The following AKT3 variants were observed in gnomAD, a reference collection of about 807,000 sequenced individuals.
AKT3 encodes the protein AKT serine/threonine kinase 3, also known as RAC-gamma serine/threonine-protein kinase.
A neutral mutation model predicts 65.3 loss-of-function variants in AKT3; 15 were observed. That is an observed-to-expected ratio of 0.23 (90% CI 0.15 to 0.35). The LOEUF is 0.35. AKT3 is among the 10% of genes least tolerant of loss of function. The pLI, the probability that AKT3 is intolerant of heterozygous loss-of-function variation, is 1.00. For synonymous variants in AKT3, 206 were observed against 183.8 expected, an observed-to-expected ratio of 1.12 and a Z score of -0.98; for missense variants, 243 against 576.5, an observed-to-expected ratio of 0.42 and a Z score of 5.92.
chr1:243,820,209 A>G (rs967923607), intron 2 of AKT3, among the ~76,000 whole-genome samples: 1 of 152,170 alleles, frequency 6.6e-6, no homozygotes, highest in Non-Finnish European at 1.5e-5. Context: ...GTAAGCCACC[A>G]CACCCAGCCC....
At chr1:243,536,340 A>G (rs1038909506) in intron 12 of AKT3, among the ~76,000 whole-genome samples, 2 of 152,174 alleles carry the variant, frequency 1.3e-5, no homozygotes, top group African/African-American at 4.8e-5. Flanking sequence ...GTTTTCTTCT[A>G]GAATTTTTTA....
Position 243,843,241 on chromosome 1 carries a change from T to TCCG in AKT3, c.-72_-71insCGG, listed in dbSNP as rs1695356006. 1 of 1,562,246 alleles carries TCCG rather than the reference T, an allele frequency of 6.4e-7. No homozygotes were observed. Among genetic ancestry groups the TCCG allele is most frequent in the Non-Finnish European group, 8.7e-7 (1 of 1,149,162 alleles). On this transcript the variant is annotated 5_prime_UTR_variant, in exon 2 of 14. Coordinates refer to ENST00000673466, the MANE Select transcript of AKT3 (RefSeq NM_005465.7). ...GATATCAGCTTTAGGGTTTGGATTC[T>TCCG]CTGCTGCTGCTGCCCTTCCCACTCT... is the stretch of plus-strand genomic sequence containing the variant.
intron 8 of AKT3, among the ~76,000 whole-genome samples, chr1:243,580,199 A>G (rs2148522363): frequency 6.6e-6 from 1 of 152,298 alleles, no homozygotes; most frequent in African/African-American, 2.4e-5. Context: ...AGAGAGGAGA[A>G]GGCCAGCAAA....
chr1:243,490,817 G>A (rs1666222397), intron 13 of AKT3, among the ~76,000 whole-genome samples: 1 of 152,182 alleles, frequency 6.6e-6, no homozygotes, highest in African/African-American at 2.4e-5. Flanking sequence ...CTGCTTTCAG[G>A]ATGACCCCCT....
At chr1:243,752,322 A>G (rs1222864125) in intron 2 of AKT3, among the ~76,000 whole-genome samples, 1 of 152,166 alleles carries the variant, frequency 6.6e-6, no homozygotes, top group Non-Finnish European at 1.5e-5. Context: ...AGTAACCATG[A>G]GCACTGCTTT....
chr1:243,787,480 C>T (rs1338246569), intron 2 of AKT3, among the ~76,000 whole-genome samples: 1 of 152,156 alleles, frequency 6.6e-6, no homozygotes, highest in African/African-American at 2.4e-5. Context: ...ACTTCCCACC[C>T]CCGATGTCTC....
chr1:243,734,038 C>T (rs1687702013), intron 2 of AKT3, among the ~76,000 whole-genome samples: 1 of 152,106 alleles, frequency 6.6e-6, no homozygotes, highest in Non-Finnish European at 1.5e-5. Flanking sequence ...GAACTCTCAA[C>T]AGAAAAAAAT....
rs190972598 is a variant in AKT3 at position 243,606,009 on chromosome 1, T to C, written c.696+7662A>G. 7.0e-3 allele frequency among the ~76,000 whole-genome samples: 1,059 copies of C among 152,240 alleles called. 9 individuals carry two copies. Among genetic ancestry groups the C allele is most frequent in the South Asian group, 0.012 (60 of 4,810 alleles). ...GCTTAGCACTTCTCTCTCCTGCTCC[T>C]ATGTGAAGAAGGACATGTTTGCTTC... On this transcript the variant is annotated intron_variant, in intron 8 of 13. Transcript: ENST00000673466.
chr1:243,799,279 T>A (rs2148361303), intron 2 of AKT3, among the ~76,000 whole-genome samples: 1 of 152,330 alleles, frequency 6.6e-6, no homozygotes, highest in South Asian at 2.1e-4. Context: ...AGTAGAAAAG[T>A]TAACCATAAT....
intron 12 of AKT3, among the ~76,000 whole-genome samples, chr1:243,521,261 G>A (rs1287087354): frequency 1.3e-5 from 2 of 152,158 alleles, no homozygotes; most frequent in Non-Finnish European, 2.9e-5. Flanking sequence ...ATAGATGTTT[G>A]CAGTAAAGAA....
At position 243,843,181 on chromosome 1, in the gene AKT3, C is replaced by G; in HGVS notation, c.-11G>C. On this transcript the variant is annotated 5_prime_UTR_variant, in exon 2 of 14. Coordinates refer to ENST00000673466, the MANE Select transcript of AKT3 (RefSeq NM_005465.7). Reference sequence around the variant, plus strand: ...GGTAACATCGCTCATGATGACTCCCCTCTGAGCCCCCAACTTGGAGAAATG... The same window carrying G: ...GGTAACATCGCTCATGATGACTCCCGTCTGAGCCCCCAACTTGGAGAAATG... 2 of 1,612,030 alleles carry G rather than the reference C, an allele frequency of 1.2e-6. No individual in the cohort carries two copies. Among genetic ancestry groups the G allele is most frequent in the Non-Finnish European group, 1.7e-6 (2 of 1,178,928 alleles).
intron 4 of AKT3, among the ~76,000 whole-genome samples, chr1:243,655,293 T>C (rs188610095): frequency 2.0e-5 from 3 of 152,016 alleles, no homozygotes; most frequent in African/African-American, 7.2e-5. Context: ...GCTCTTTCTT[T>C]TTAATTTTAC....
intron 12 of AKT3, among the ~76,000 whole-genome samples, chr1:243,513,648 T>C (rs933507690): frequency 6.6e-6 from 1 of 152,184 alleles, no homozygotes; most frequent in African/African-American, 2.4e-5. Context: ...AAAGCATTCT[T>C]AATCTCTTCT....
chr1:243,724,178 A>G lies in AKT3; in HGVS notation c.47-28462T>C, dbSNP rs1031329102. Among the ~76,000 whole-genome samples, 3 of 152,126 alleles carry G rather than the reference A, an allele frequency of 2.0e-5. No homozygotes were observed. The East Asian group carries it at 5.8e-4, about 29-fold the overall frequency. ...AAGACTGTCATCCCTGCAGTCCTCA[A>G]AAGAAAAAGTTAACACCAAACAAAC... On this transcript the variant is annotated intron_variant, in intron 2 of 13. Transcript: ENST00000673466.
At chr1:243,753,418 CAT>C (rs556917325) in intron 2 of AKT3, among the ~76,000 whole-genome samples, 249 of 152,202 alleles carry the variant, frequency 1.6e-3, no homozygotes, top group Admixed American at 2.7e-3. Flanking sequence ...TTCCCCTAAA[CAT>C]AGTTTCTCAA....
intron 7 of AKT3, 102 bp from the exon 8 acceptor site, chr1:243,613,841 TGAAAA>T: frequency 1.5e-6 from 1 of 649,164 alleles, no homozygotes; most frequent in Non-Finnish European, 2.4e-6. Context: ...GCATGAAAGA[TGAAAA>T]GAATTGTTAT....
chr1:243,497,726 T>A (rs1169600792), downstream of AKT3, among the ~76,000 whole-genome samples: 1 of 152,208 alleles, frequency 6.6e-6, no homozygotes, highest in African/African-American at 2.4e-5. Flanking sequence ...TGTGTGTACG[T>A]GGGTGTGTTC....
chr1:243,818,141 C>T (rs1025124501), intron 2 of AKT3: 3 of 152,218 alleles, frequency 2.0e-5, no homozygotes, highest in African/African-American at 7.2e-5. Flanking sequence ...GCTTAGTCTG[C>T]ACTTCCACAG....
At chr1:243,843,051 G>C in intron 2 of AKT3, 74 bp downstream of exon 2, 7 of 1,475,382 alleles carry the variant, frequency 4.7e-6, no homozygotes, top group Non-Finnish European at 6.6e-6. Context: ...TCAGAAAAAA[G>C]ATCAACTTCT....
Sources: gnomAD v4.1 joint callset for allele counts (sites outside exome capture counted in the v4.1 genomes callset) on GRCh38, gnomAD v4.1.1 for gene constraint, MANE v1.5 for transcripts, NCBI Gene and HGNC (gene_info 2026-07-23, HGNC 2026-07-21) for gene names.